Variants in RBFOX1 observed in about 807,000 individuals in gnomAD.
RBFOX1 encodes the protein RNA binding protein fox-1 homolog 1.
Under a neutral mutation model 57.7 loss-of-function variants are expected in RBFOX1, and 8 were observed. The ratio of observed to expected loss-of-function variants is 0.14; its 90% CI spans 0.08 to 0.25. The LOEUF is 0.25. Among genes scored for constraint, RBFOX1 ranks in the 10% least tolerant of loss-of-function variants. The pLI, the probability that RBFOX1 is intolerant of heterozygous loss-of-function variation, is 1.00. For missense variants in RBFOX1, 611 were observed against 548.5 expected (o/e 1.11, Z -1.14); for synonymous variants, 326 against 222.4 (o/e 1.47, Z -4.15).
intron 3 of RBFOX1, among the ~76,000 whole-genome samples, chr16:6,928,224 G>T (rs1387795435): frequency 6.6e-6 from 1 of 152,164 alleles, no homozygotes; most frequent in Non-Finnish European, 1.5e-5. Flanking sequence ...TGCCCCCGAA[G>T]ATTCTGATTT....
intron 3 of RBFOX1, among the ~76,000 whole-genome samples, chr16:6,657,593 G>A (rs1442135914): frequency 6.6e-6 from 1 of 152,188 alleles, no homozygotes; most frequent in East Asian, 1.9e-4. Context: ...CACCACTGGA[G>A]TGATGACAGT....
intron 3 of RBFOX1, among the ~76,000 whole-genome samples, chr16:6,693,766 T>G (rs1341194210): frequency 6.7e-6 from 1 of 149,814 alleles, no homozygotes; most frequent in Admixed American, 6.6e-5. Context: ...CCACCATCAT[T>G]AGCAACATCA....
chr16:5,920,423 G>T (rs1373550716), intron 4 of RBFOX1, among the ~76,000 whole-genome samples: 1 of 152,128 alleles, frequency 6.6e-6, no homozygotes, highest in Non-Finnish European at 1.5e-5. Context: ...TGTGTACAAG[G>T]GTCTGTTTGG....
At chr16:6,977,987 T>C (rs995513093) in intron 3 of RBFOX1, among the ~76,000 whole-genome samples, 4 of 150,578 alleles carry the variant, frequency 2.7e-5, no homozygotes, top group Non-Finnish European at 4.4e-5. Context: ...TGAATGTGTC[T>C]TTGCAAGACA....
At chr16:6,899,870 C>T (rs2068013954) in intron 3 of RBFOX1, among the ~76,000 whole-genome samples, 2 of 152,122 alleles carry the variant, frequency 1.3e-5, no homozygotes, top group South Asian at 4.1e-4. Flanking sequence ...GGGCCATGTC[C>T]AGGTGTGAAG....
chr16:6,961,024 G>C (rs1177263668), intron 3 of RBFOX1, among the ~76,000 whole-genome samples: 2 of 149,006 alleles, frequency 1.3e-5, no homozygotes, highest in African/African-American at 4.9e-5. Context: ...AGCAACTATA[G>C]TCCAGCTACT....
chr16:7,415,285 A>G (rs947857746), intron 4 of RBFOX1, among the ~76,000 whole-genome samples: 1 of 152,186 alleles, frequency 6.6e-6, no homozygotes, highest in Admixed American at 6.5e-5. Context: ...GACAGGTACC[A>G]CTGGCTAGCA....
At chr16:6,833,329 C>G (rs1447096115) in intron 3 of RBFOX1, among the ~76,000 whole-genome samples, 1 of 150,248 alleles carries the variant, frequency 6.7e-6, no homozygotes, top group African/African-American at 2.5e-5. Flanking sequence ...CCATGCCTGG[C>G]TAATTTTTTG....
intron 4 of RBFOX1, among the ~76,000 whole-genome samples, chr16:7,063,884 C>A (rs1022969760): frequency 6.6e-6 from 1 of 152,164 alleles, no homozygotes; most frequent in Non-Finnish European, 1.5e-5. Context: ...ATGCAAATAT[C>A]ACTCCATTTT....
chr16:6,254,461 A>G (rs887475233), intron 1 of RBFOX1, among the ~76,000 whole-genome samples: 19 of 152,218 alleles, frequency 1.2e-4, no homozygotes, highest in African/African-American at 4.6e-4. Context: ...AAGGCAGAGT[A>G]GCAGAGTGCT....
At chr16:6,089,919 T>C (rs1404734097) in intron 1 of RBFOX1, among the ~76,000 whole-genome samples, 1 of 152,216 alleles carries the variant, frequency 6.6e-6, no homozygotes, top group Non-Finnish European at 1.5e-5. Flanking sequence ...GATCACATTC[T>C]TAGTGGCTTG....
Position 6,102,430 on chromosome 16 carries a change from C to T in RBFOX1, c.-127+82438C>T, listed in dbSNP as rs115876286. ...GTGCTTCAGTCTCTAAGTCTTACAACGGTGTCATTTGCAACAACATCAATC... is the reference window on the plus strand; with the variant it reads ...GTGCTTCAGTCTCTAAGTCTTACAATGGTGTCATTTGCAACAACATCAATC... On this transcript the variant is annotated intron_variant, in intron 1 of 15. Coordinates refer to ENST00000550418, the MANE Select transcript of RBFOX1 (RefSeq NM_018723.4). Among the ~76,000 whole-genome samples, 168 of 152,228 alleles carry T rather than the reference C, an allele frequency of 1.1e-3. 1 individual carries two copies. Among genetic ancestry groups the T allele is most frequent in the Non-Finnish European group, 1.9e-3 (127 of 68,008 alleles).
intron 4 of RBFOX1, among the ~76,000 whole-genome samples, chr16:7,248,554 T>C (rs549059202): frequency 1.1e-3 from 166 of 152,340 alleles, no homozygotes; most frequent in Middle Eastern, 6.8e-3. Flanking sequence ...GTTTTACCTG[T>C]CATCTCAGCC....
At chr16:5,560,444 G>GT (rs1362205838) in intron 2 of RBFOX1, among the ~76,000 whole-genome samples, 2 of 152,104 alleles carry the variant, frequency 1.3e-5, no homozygotes, top group African/African-American at 2.4e-5. Context: ...GCACTCCGGT[G>GT]TTATTACACT....
In RBFOX1 at chr16:6,425,592, G is replaced by A. The variant is rs555721579; in HGVS notation, c.-64+108535G>A. ...AAAAACAAGTTTATCTACTGTATGT[G>A]GTTTATCACTATTTTTTTTTTGTGA... On this transcript the variant is annotated intron_variant, in intron 2 of 15. Coordinates refer to ENST00000550418, the MANE Select transcript of RBFOX1 (RefSeq NM_018723.4). 1.7e-4 allele frequency among the ~76,000 whole-genome samples: 26 copies of A among 151,676 alleles called. No individual in the cohort carries two copies. The East Asian group carries it at 4.1e-3, about 24-fold the overall frequency.
intron 2 of RBFOX1, among the ~76,000 whole-genome samples, chr16:5,582,572 T>A (rs1297876): frequency 3.8e-5 from 4 of 106,054 alleles, no homozygotes; most frequent in Middle Eastern, 4.5e-3. Flanking sequence ...TTTTTTTTTT[T>A]AAACGGAGTC....
At chr16:5,656,474 G>A (rs1453722333) in intron 3 of RBFOX1, among the ~76,000 whole-genome samples, 4 of 152,150 alleles carry the variant, frequency 2.6e-5, no homozygotes, top group African/African-American at 9.7e-5. Flanking sequence ...ACAAAAATCT[G>A]TACATAGTTA....
chr16:5,454,870 CTTT>C (rs1567534925), intron 1 of RBFOX1, among the ~76,000 whole-genome samples: 12 of 55,086 alleles, frequency 2.2e-4, no homozygotes, highest in Non-Finnish European at 3.4e-4. Context: ...TTCTTTCTTT[CTTT>C]CTTTCTTTCT....
chr16:7,168,834 C>T lies in RBFOX1; in HGVS notation c.27+116736C>T, dbSNP rs184336641. Among the ~76,000 whole-genome samples, 159 of 152,324 alleles carry T rather than the reference C, an allele frequency of 1.0e-3. 2 individuals are homozygous for T. Among genetic ancestry groups the T allele is most frequent in the South Asian group, 1.9e-3 (9 of 4,818 alleles). Reference sequence around the variant, plus strand: ...TCTAATGAATAATTCATGCAGTCTTCATTCTCCTGACATGAACAAATATAC... The same window carrying T: ...TCTAATGAATAATTCATGCAGTCTTTATTCTCCTGACATGAACAAATATAC... On this transcript the variant is annotated intron_variant, in intron 4 of 15. Coordinates refer to ENST00000550418, the MANE Select transcript of RBFOX1 (RefSeq NM_018723.4).
Sources: allele counts gnomAD v4.1 joint callset (sites outside exome capture counted in the v4.1 genomes callset), GRCh38; gene constraint gnomAD v4.1.1; transcripts MANE v1.5; gene names NCBI Gene and HGNC (gene_info 2026-07-23, HGNC 2026-07-21).